The following ERO1B variants were observed in gnomAD, a reference collection of about 807,000 sequenced individuals.
ERO1B encodes the protein ERO1-like protein beta.
A neutral mutation model predicts 75.3 loss-of-function variants in ERO1B; 49 were observed. The ratio of observed to expected loss-of-function variants is 0.65; its 90% CI spans 0.52 to 0.83. The LOEUF (loss-of-function observed/expected upper bound fraction) is 0.83. ERO1B is among the 40% of genes least tolerant of loss of function. ERO1B has a pLI of 0.00. For missense variants in ERO1B, 512 were observed against 560.1 expected (o/e 0.91, Z 0.87); for synonymous variants, 191 against 192.9 (o/e 0.99, Z 0.08).
chr1:236,266,264 T>C (rs1665432783), intron 2 of ERO1B, among the ~76,000 whole-genome samples: 1 of 152,230 alleles, frequency 6.6e-6, no homozygotes, highest in African/African-American at 2.4e-5. Context: ...AGGCAGACTG[T>C]TACCTCCACC....
At chr1:236,230,314 G>C in intron 9 of ERO1B, 64 bp from the exon 10 acceptor site, 1 of 1,406,066 alleles carries the variant, frequency 7.1e-7, no homozygotes. Context: ...AATAAATTAG[G>C]TTTATAAAAT....
rs772041104 is a variant in ERO1B at position 236,235,849 on chromosome 1, C to A, written c.627-14G>T. 1.2e-5 allele frequency: 20 copies of A among 1,609,400 alleles called. No homozygotes were observed. The East Asian group carries it at 4.5e-4, about 36-fold the overall frequency. On this transcript the variant is annotated splice_polypyrimidine_tract_variant and intron_variant, in intron 7 of 15. Coordinates refer to ENST00000354619, the MANE Select transcript of ERO1B (RefSeq NM_019891.4). ...ACAGATCGAGGCCTGAAAAAGAAAG[C>A]ATAATACCCAAACATAGAATGTTTT...
At chr1:236,258,760 G>A (rs899916891) in intron 2 of ERO1B, among the ~76,000 whole-genome samples, 3 of 151,984 alleles carry the variant, frequency 2.0e-5, no homozygotes, top group African/African-American at 4.8e-5. Context: ...GTGCTGGTGT[G>A]CACCTGTAAT....
chr1:236,236,742 C>T (rs1664557528), intron 6 of ERO1B, among the ~76,000 whole-genome samples: 1 of 152,178 alleles, frequency 6.6e-6, no homozygotes, highest in Admixed American at 6.5e-5. Context: ...AGAATCATAA[C>T]CTGCTTTAAT....
rs28674688 is a variant in ERO1B, at chr1:236,225,129, T to G, written c.1063A>C (p.Met355Leu). 1 of 1,613,844 alleles carries G rather than the reference T, an allele frequency of 6.2e-7. No individual in the cohort carries two copies. The highest frequency in any genetic ancestry group is 8.5e-7 in the Non-Finnish European group (1 of 1,179,780). The change falls in exon 13 of 16, where the codon ATG becomes CTG. Residue 355 changes from methionine (M) to leucine (L), a missense_variant. Coordinates refer to ENST00000354619, the MANE Select transcript of ERO1B (RefSeq NM_019891.4). The stretch of plus-strand genomic sequence containing the variant: ...AACATGGATTTCTCATCAAAGTGCA[T>G]GGGAAAGGACCTGATAAAATGATAG... ...NIFQDTKSFP[M>L]HFDEKSMFAG... is the part of the protein sequence containing the mutation.
At chr1:236,250,030 G>A in intron 4 of ERO1B, 63 bp from the exon 5 acceptor site, 2 of 1,097,372 alleles carry the variant, frequency 1.8e-6, no homozygotes, top group Non-Finnish European at 2.6e-6. Flanking sequence ...AGTTTCTATT[G>A]GCAGAATAAT....
At chr1:236,219,144 A>G (rs1619730) in intron 15 of ERO1B, among the ~76,000 whole-genome samples, 71,382 of 152,060 alleles carry the variant, frequency 0.47, 17,485 homozygotes, top group East Asian at 0.88. Flanking sequence ...TGTACAATTC[A>G]GGGGTGATAG....
rs1664242850 is a variant in ERO1B at position 236,225,007 on chromosome 1, A to G, written c.1122+63T>C. ...CTGGGAAAGAAAACAGTTTGGATGC[A>G]CAGCATTAAAGCATAACCAGCAAAC... On this transcript the variant is annotated intron_variant, in intron 13 of 15. Coordinates refer to ENST00000354619, the MANE Select transcript of ERO1B (RefSeq NM_019891.4). 3.5e-6 allele frequency: 5 copies of G among 1,418,034 alleles called. No homozygotes were observed. In the Admixed American group the frequency reaches 8.4e-5, roughly 24 times the overall value. 87.8% of individuals were successfully genotyped at this position (1,418,034 alleles called of 1,614,324 possible).
chr1:236,269,446 G>A (rs1665540355), intron 2 of ERO1B, among the ~76,000 whole-genome samples: 1 of 152,122 alleles, frequency 6.6e-6, no homozygotes, highest in Non-Finnish European at 1.5e-5. Flanking sequence ...TCTACTTGGA[G>A]CCTCAGCCTG....
chr1:236,250,801 G>A (rs1387417859), intron 4 of ERO1B, among the ~76,000 whole-genome samples: 1 of 151,690 alleles, frequency 6.6e-6, no homozygotes, highest in East Asian at 1.9e-4. Context: ...TCCCACTAGT[G>A]AGACCACATC....
intron 10 of ERO1B, among the ~76,000 whole-genome samples, chr1:236,228,955 G>A (rs779512136): frequency 5.3e-5 from 8 of 152,156 alleles, no homozygotes; most frequent in Non-Finnish European, 1.0e-4. Context: ...CAGAGTCTCT[G>A]ACTACCTTTT....
chr1:236,226,429 T>G lies in ERO1B; in HGVS notation c.892A>C (p.Arg298=). ...AAAAAGTAAAGATTCTTGAGCCTTC[T>G]TGGACCTTCTCCCTTGGTTTCCACA... ...DPVETKGEGP[R]RLKNLYFLYL... is the part of the protein sequence containing the mutation. Residue 298 remains arginine, a synonymous_variant, in exon 12 of 16, where the codon AGA becomes CGA. Transcript: ENST00000354619. 1.2e-6 allele frequency: 2 copies of G among 1,614,160 alleles called. No homozygotes were observed. Among genetic ancestry groups the G allele is most frequent in the South Asian group, 2.2e-5 (2 of 91,084 alleles).
At chr1:236,242,067 CAAAA>C (rs11339161) in intron 6 of ERO1B, among the ~76,000 whole-genome samples, 2 of 132,896 alleles carry the variant, frequency 1.5e-5, no homozygotes, top group African/African-American at 3.0e-5. Flanking sequence ...GACTCTGTCT[CAAAA>C]AAAAAAAAAA....
intron 4 of ERO1B, among the ~76,000 whole-genome samples, chr1:236,250,575 A>T (rs1297100562): frequency 1.1e-4 from 1 of 8,924 alleles, no homozygotes; most frequent in Non-Finnish European, 1.9e-4. Flanking sequence ...ATTTGACCAT[A>T]TATATATATA....
rs560629555 is a variant in ERO1B, at chr1:236,246,100, T to C, written c.432-2605A>G. Among the ~76,000 whole-genome samples the C allele has an allele frequency of 2.8e-3, 429 of 152,278 alleles. 2 individuals are homozygous for C. Among genetic ancestry groups the C allele is most frequent in the African/African-American group, 0.01 (417 of 41,562 alleles). Reference sequence around the variant, plus strand: ...TTTGGTAGCAATTTTAGAAAACAATTTGGCAGTACCTAATCTCATTTCTAG... The same window carrying C: ...TTTGGTAGCAATTTTAGAAAACAATCTGGCAGTACCTAATCTCATTTCTAG... On this transcript the variant is annotated intron_variant, in intron 5 of 15. Transcript: ENST00000354619.
intron 3 of ERO1B, 47 bp downstream of exon 3, chr1:236,253,375 A>C (rs1298547657): frequency 2.6e-6 from 3 of 1,165,070 alleles, no homozygotes; most frequent in Non-Finnish European, 3.8e-6. Context: ...GCTTTTCTAA[A>C]AGTCCAAGAG....
Position 236,215,778 on chromosome 1 carries a change from T to C in ERO1B, c.*2738A>G, listed in dbSNP as rs551471173. 49 of 152,276 alleles carry C rather than the reference T, an allele frequency of 3.2e-4. No individual in the cohort carries two copies. The highest frequency in any genetic ancestry group is 1.2e-3 in the African/African-American group (48 of 41,566). The allele number at this position is 152,276 out of a possible 1,614,324, so 9.4% of individuals were successfully genotyped here. ...CTATGGTTTCTGCAGGTACCTCAGT[T>C]TGCAAACTACTGAGAGGTTTACTGT... On this transcript the variant is annotated 3_prime_UTR_variant, in exon 16 of 16. Transcript: ENST00000354619.
chr1:236,269,486 A>G (rs1276494793), intron 2 of ERO1B, among the ~76,000 whole-genome samples: 1 of 152,164 alleles, frequency 6.6e-6, no homozygotes, highest in East Asian at 1.9e-4. Context: ...AAGAGGTCCA[A>G]CAAAGATGCT....
chr1:236,266,994 C>T (rs756494178), intron 2 of ERO1B, among the ~76,000 whole-genome samples: 1 of 152,160 alleles, frequency 6.6e-6, no homozygotes, highest in Non-Finnish European at 1.5e-5. Flanking sequence ...TTCCATTATT[C>T]CTTCTTTTGT....
Sources: gnomAD v4.1 joint callset for allele counts (sites outside exome capture counted in the v4.1 genomes callset) on GRCh38, gnomAD v4.1.1 for gene constraint, MANE v1.5 for transcripts, NCBI Gene and HGNC (gene_info 2026-07-23, HGNC 2026-07-21) for gene names.